SP100: variants seen among roughly 807,000 people sequenced by gnomAD.
SP100 encodes the protein nuclear autoantigen Sp-100.
In SP100, 84 loss-of-function variants were observed where a neutral mutation model predicts 130.0. The ratio of observed to expected loss-of-function variants is 0.65; its 90% CI spans 0.54 to 0.77. The LOEUF is 0.77. Ranked by LOEUF, SP100 falls within the 30% of genes least tolerant of loss-of-function variation. The pLI, the probability that SP100 is intolerant of heterozygous loss-of-function variation, is 0.00. For missense variants in SP100, 978 were observed against 1,052.2 expected (o/e 0.93, Z 0.97); for synonymous variants, 331 against 351.7 (o/e 0.94, Z 0.66).
intron 17 of SP100, among the ~76,000 whole-genome samples, chr2:230,490,536 A>G (rs778385951): frequency 2.0e-5 from 3 of 152,148 alleles, no homozygotes; most frequent in Non-Finnish European, 2.9e-5. Context: ...TGTCATCAAG[A>G]TGCTATCTGG....
chr2:230,519,312 T>C (rs1691061059), intron 24 of SP100, among the ~76,000 whole-genome samples: 1 of 152,208 alleles, frequency 6.6e-6, no homozygotes, highest in Non-Finnish European at 1.5e-5. Context: ...ATTGGGAGCA[T>C]AAGTGATCCA....
intron 17 of SP100, among the ~76,000 whole-genome samples, chr2:230,487,152 C>A (rs1242026538): frequency 6.6e-6 from 1 of 152,168 alleles, no homozygotes; most frequent in Non-Finnish European, 1.5e-5. Flanking sequence ...GTTTCTTTTG[C>A]TGTGCAGAAG....
At position 230,544,880 on chromosome 2, in the gene SP100, A is replaced by G. The variant is rs950646566; in HGVS notation, c.*1934A>G. Among the ~76,000 whole-genome samples the G allele has an allele frequency of 1.3e-5, 2 of 152,230 alleles. No individual in the cohort carries two copies. The highest frequency in any genetic ancestry group is 2.9e-5 in the Non-Finnish European group (2 of 68,040). ...TAGAGACATGCAAATTAAAACTACA[A>G]TGAGACACCATCTCACACCAGTCAA... On this transcript the variant is annotated 3_prime_UTR_variant, in exon 29 of 29. Coordinates refer to ENST00000340126, the MANE Select transcript of SP100 (RefSeq NM_001080391.2).
intron 24 of SP100, among the ~76,000 whole-genome samples, chr2:230,529,002 A>C (rs956723242): frequency 6.6e-5 from 10 of 152,218 alleles, no homozygotes; most frequent in East Asian, 5.8e-4. Context: ...AGAGGTACAA[A>C]GAGGAGCTGG....
At chr2:230,459,143 C>T (rs556465216) in intron 8 of SP100, among the ~76,000 whole-genome samples, 26 of 151,868 alleles carry the variant, frequency 1.7e-4, no homozygotes, top group African/African-American at 5.8e-4. Context: ...ATAGAAAAAA[C>T]ATAGAGGGAA....
intron 1 of SP100, 67 bp from the exon 2 acceptor site, chr2:230,417,524 T>C: frequency 1.9e-6 from 3 of 1,561,604 alleles, no homozygotes; most frequent in Non-Finnish European, 2.6e-6. Context: ...TCTCTAAACC[T>C]TAAAAATGTA....
chr2:230,467,667 C>T (rs894402970), intron 13 of SP100, among the ~76,000 whole-genome samples: 3 of 152,104 alleles, frequency 2.0e-5, no homozygotes, highest in African/African-American at 4.8e-5. Context: ...ATCACAAGAA[C>T]AGCACAGGAA....
chr2:230,476,814 C>T (rs2065569996), intron 17 of SP100, among the ~76,000 whole-genome samples: 1 of 151,996 alleles, frequency 6.6e-6, no homozygotes, highest in Non-Finnish European at 1.5e-5. Context: ...TCTTTTTCTT[C>T]TTCATAAAAC....
Position 230,541,345 on chromosome 2 carries a change from C to A in SP100, c.2376C>A (p.Ser792Arg). The change falls in exon 27 of 29, where the codon AGC (serine) becomes AGA (arginine). Residue 792 changes from serine (S) to arginine (R), a missense_variant. Coordinates refer to ENST00000340126, the MANE Select transcript of SP100 (RefSeq NM_001080391.2). ...LLLKVYCDSK[S>R]CFFASEPYYN... ...TGAAGGTCTACTGTGATTCGAAAAG[C>A]TGCTTTTTCGCCTCAGAACCGTATT... The A allele has an allele frequency of 6.2e-7, 1 of 1,614,026 alleles. No individual in the cohort carries two copies. Among genetic ancestry groups the A allele is most frequent in the Non-Finnish European group, 8.5e-7 (1 of 1,179,902 alleles).
intron 2 of SP100, among the ~76,000 whole-genome samples, chr2:230,418,955 G>A (rs966944785): frequency 1.3e-5 from 2 of 152,128 alleles, no homozygotes; most frequent in Admixed American, 1.3e-4. Context: ...TCGAGATTTT[G>A]TGTGGAACTG....
intron 18 of SP100, among the ~76,000 whole-genome samples, chr2:230,496,238 C>A (rs997970991): frequency 3.3e-5 from 5 of 152,206 alleles, no homozygotes; most frequent in Admixed American, 3.3e-4. Context: ...CAAACCTGTT[C>A]TCTCAAATAG....
chr2:230,456,909 T>A (rs1291599274), intron 8 of SP100, among the ~76,000 whole-genome samples: 1 of 152,246 alleles, frequency 6.6e-6, no homozygotes, highest in Non-Finnish European at 1.5e-5. Flanking sequence ...GTTTGTTATC[T>A]CCATTACTTT....
At chr2:230,471,406 G>C (rs115354575) in intron 15 of SP100, among the ~76,000 whole-genome samples, 1 of 152,114 alleles carries the variant, frequency 6.6e-6, no homozygotes, top group African/African-American at 2.4e-5. Flanking sequence ...TGGTTTCCTC[G>C]TCACTGTCTA....
chr2:230,458,037 A>G (rs571170153), intron 8 of SP100, among the ~76,000 whole-genome samples: 2 of 152,318 alleles, frequency 1.3e-5, no homozygotes, highest in East Asian at 3.9e-4. Context: ...ATGCAAGAAG[A>G]AAGAATACAA....
rs752716431 is a variant in SP100 at position 230,474,399 on chromosome 2, A to G, written c.1552A>G (p.Met518Val). The part of the protein sequence containing the change: ...SSQASDMMDT[M>V]DVENNSTLEK... The stretch of plus-strand genomic sequence containing the variant: ...CACTACCTGTCACTTTCTAGATACC[A>G]TGGATGTTGAAAACAATTCTACTTT... The change falls in exon 17 of 29, where the codon ATG becomes GTG. Residue 518 changes from methionine (M) to valine (V), a missense_variant. Met to Val is a conservative substitution (Grantham distance 21). Transcript: ENST00000340126. 2 of 1,529,668 alleles carry G rather than the reference A, an allele frequency of 1.3e-6. No homozygotes were observed. The highest frequency in any genetic ancestry group is 4.5e-5 in the East Asian group (2 of 43,992). The allele number at this position is 1,529,668 out of a possible 1,614,324, so 94.8% of individuals were successfully genotyped here. A position where few individuals can be genotyped will look rare whatever the true frequency, so the allele number is the denominator to read the frequency against.
chr2:230,418,180 C>G (rs547330837), intron 2 of SP100, among the ~76,000 whole-genome samples: 1 of 152,156 alleles, frequency 6.6e-6, no homozygotes, highest in Non-Finnish European at 1.5e-5. Flanking sequence ...TTATTTGCCC[C>G]GTTTTCATCT....
At chr2:230,421,674 T>A (rs1253140626) in intron 2 of SP100, among the ~76,000 whole-genome samples, 9 of 152,130 alleles carry the variant, frequency 5.9e-5, no homozygotes, top group Admixed American at 5.9e-4. Flanking sequence ...TAGTTCACTG[T>A]CTTGCAACTT....
At chr2:230,459,480 A>C (rs966771008) in intron 8 of SP100, among the ~76,000 whole-genome samples, 1 of 152,148 alleles carries the variant, frequency 6.6e-6, no homozygotes, top group African/African-American at 2.4e-5. Flanking sequence ...GTTGATTTCT[A>C]AACATACATC....
intron 24 of SP100, among the ~76,000 whole-genome samples, chr2:230,530,192 A>G (rs867694207): frequency 6.6e-6 from 1 of 152,210 alleles, no homozygotes; most frequent in African/African-American, 2.4e-5. Context: ...ATACAAGACT[A>G]CAGTAACCAA....
Sources: allele counts gnomAD v4.1 joint callset (sites outside exome capture counted in the v4.1 genomes callset), GRCh38; gene constraint gnomAD v4.1.1; transcripts MANE v1.5; gene names NCBI Gene and HGNC (gene_info 2026-07-23, HGNC 2026-07-21).